The following SMIM8 variants were observed in gnomAD, a reference collection of about 807,000 sequenced individuals.
SMIM8 encodes small integral membrane protein 8.
Under a neutral mutation model 8.1 loss-of-function variants are expected in SMIM8, and 8 were observed. The ratio of observed to expected loss-of-function variants is 0.99; its 90% confidence interval spans 0.58 to 1.78. The LOEUF (loss-of-function observed/expected upper bound fraction) is 1.78. Ranked by LOEUF, SMIM8 falls within the 40% of genes most tolerant of loss-of-function variation. SMIM8 has a pLI of 0.00. For synonymous variants in SMIM8, 45 were observed against 39.7 expected (o/e 1.13, Z -0.50); for missense variants, 126 against 119.8 (o/e 1.05, Z -0.24).
At chr6:87,325,472 AT>A (rs1463729785) in intron 1 of SMIM8, among the ~76,000 whole-genome samples, 5 of 114,302 alleles carry the variant, frequency 4.4e-5, no homozygotes, top group Non-Finnish European at 9.3e-5. Flanking sequence ...AGTTTTTAGC[AT>A]GAAGGGTTAT....
intron 2 of SMIM8, among the ~76,000 whole-genome samples, chr6:87,335,845 CAAAA>C (rs35840147): frequency 1.3e-4 from 7 of 55,958 alleles, no homozygotes; most frequent in African/African-American, 2.2e-4. Context: ...CCGTCCCTAC[CAAAA>C]AAAAAAAAAA....
intron 1 of SMIM8, among the ~76,000 whole-genome samples, chr6:87,324,468 A>G (rs1269796089): frequency 1.3e-5 from 2 of 150,616 alleles, no homozygotes; most frequent in East Asian, 3.9e-4. Flanking sequence ...GAAGGGATCC[A>G]GTTTCAGCTT....
Position 87,340,125 on chromosome 6 carries a change from G to T in SMIM8, c.145G>T (p.Val49Leu). The change falls in exon 4 of 4, where the codon GTA becomes TTA. Residue 49 changes from valine to leucine, a missense_variant. Physicochemically the swap from Val to Leu is conservative, Grantham distance 32 (BLOSUM62 1). Coordinates refer to ENST00000392863, the MANE Select transcript of SMIM8 (RefSeq NM_001042493.3). The part of the protein sequence containing the change: ...PELFIKPNKP[V>L]MAFGLVTLSL... ...TTTTTTTCTTTGACAGAACAAACCTGTAATGGCTTTCGGATTGGTAACTCT... is the reference window on the plus strand; with the variant it reads ...TTTTTTTCTTTGACAGAACAAACCTTTAATGGCTTTCGGATTGGTAACTCT... The T allele has an allele frequency of 6.4e-7, 1 of 1,571,846 alleles. No individual in the cohort carries two copies. The highest frequency in any genetic ancestry group is 1.2e-5 in the South Asian group (1 of 83,408).
chr6:87,341,453 A>G lies in SMIM8; in HGVS notation c.*1179A>G. 4 of 394,882 alleles carry G rather than the reference A, an allele frequency of 1.0e-5. No individual in the cohort carries two copies. Among genetic ancestry groups the G allele is most frequent in the East Asian group, 3.6e-5 (1 of 27,796 alleles). 24.5% of individuals were successfully genotyped at this position (394,882 alleles called of 1,614,324 possible). ...GCCAGATTCTGCCTTATAGAATTCAAATCTTTCTTACAAGGGTTCTGGACC... is the reference window on the plus strand; with the variant it reads ...GCCAGATTCTGCCTTATAGAATTCAGATCTTTCTTACAAGGGTTCTGGACC... On this transcript the variant is annotated 3_prime_UTR_variant, in exon 4 of 4. Transcript: ENST00000392863.
At chr6:87,323,616 A>G (rs1776729906) in intron 1 of SMIM8, among the ~76,000 whole-genome samples, 1 of 151,968 alleles carries the variant, frequency 6.6e-6, no homozygotes, top group African/African-American at 2.4e-5. Context: ...ATCATTTTTT[A>G]TGGCTGCATA....
intron 1 of SMIM8, among the ~76,000 whole-genome samples, chr6:87,323,508 A>G (rs909656883): frequency 6.9e-6 from 1 of 144,676 alleles, no homozygotes; most frequent in Non-Finnish European, 1.5e-5. Flanking sequence ...CCCACCTATG[A>G]GTGAGAATAT....
intron 3 of SMIM8, 36 bp from the exon 4 acceptor site, chr6:87,340,077 AGTC>A: frequency 6.8e-7 from 1 of 1,461,224 alleles, no homozygotes; most frequent in Non-Finnish European, 9.0e-7. Context: ...TCAAATTGTT[AGTC>A]TTACTAAAGC....
At chr6:87,331,187 A>C (rs149695709) in intron 2 of SMIM8, among the ~76,000 whole-genome samples, 1 of 152,254 alleles carries the variant, frequency 6.6e-6, no homozygotes, top group Non-Finnish European at 1.5e-5. Flanking sequence ...GGAAACAAAA[A>C]GTAAGAGAAG....
Position 87,333,859 on chromosome 6 carries a change from G to A in SMIM8, c.-24+3147G>A, listed in dbSNP as rs9353478. Among the ~76,000 whole-genome samples, 11 of 152,242 alleles carry A rather than the reference G, an allele frequency of 7.2e-5. No homozygotes were observed. The East Asian group carries it at 1.3e-3, about 19-fold the overall frequency. ...AGGAATTGTGTTAGTCTCTTCTTGC[G>A]TCATTATAAAGAAGTACCTGATGCT... On this transcript the variant is annotated intron_variant, in intron 2 of 3. Transcript: ENST00000392863.
At chr6:87,325,482 A>C in intron 1 of SMIM8, among the ~76,000 whole-genome samples, 1 of 98,236 alleles carries the variant, frequency 1.0e-5, no homozygotes, top group East Asian at 2.6e-4. Flanking sequence ...ATGAAGGGTT[A>C]TTGAATTTTG....
chr6:87,337,169 A>C lies in SMIM8; in HGVS notation c.135+3A>C. On this transcript the variant is annotated splice_donor_region_variant and intron_variant, in intron 3 of 3. Coordinates refer to ENST00000392863, the MANE Select transcript of SMIM8 (RefSeq NM_001042493.3). ...ATCCAGAGCTCTTCATTAAACCTGT[A>C]AGAAATACATCCAGGATAAGACTTT... The C allele has an allele frequency of 6.2e-7, 1 of 1,606,782 alleles. No individual in the cohort carries two copies. Among genetic ancestry groups the C allele is most frequent in the Non-Finnish European group, 8.5e-7 (1 of 1,176,582 alleles).
intron 1 of SMIM8, among the ~76,000 whole-genome samples, chr6:87,327,230 G>T (rs1294539589): frequency 2.0e-5 from 3 of 146,866 alleles, no homozygotes; most frequent in Non-Finnish European, 4.5e-5. Flanking sequence ...CAATTTGCCA[G>T]TCTGTGTCTT....
chr6:87,328,362 T>G (rs1415092592), intron 1 of SMIM8, among the ~76,000 whole-genome samples: 1 of 152,174 alleles, frequency 6.6e-6, no homozygotes, highest in Non-Finnish European at 1.5e-5. Context: ...TCTGCTCTGT[T>G]TTTTCCCCAT....
In SMIM8 at chr6:87,341,028, G is replaced by T; in HGVS notation, c.*754G>T. 1 of 336,884 alleles carries T rather than the reference G, an allele frequency of 3.0e-6. No individual in the cohort carries two copies. 20.9% of individuals were successfully genotyped at this position (336,884 alleles called of 1,614,324 possible). ...TATTTTAGTGTTTATGTTAATTAAT[G>T]TTAATTAATTTTGTTTATGTTAATT... On this transcript the variant is annotated 3_prime_UTR_variant, in exon 4 of 4. Transcript: ENST00000392863.
At position 87,340,876 on chromosome 6, in the gene SMIM8, A is replaced by G. The variant is rs1777218233; in HGVS notation, c.*602A>G. 6.4e-6 allele frequency: 1 copy of G among 156,202 alleles called. No individual in the cohort carries two copies. The highest frequency in any genetic ancestry group is 1.4e-5 in the Non-Finnish European group (1 of 70,936). 9.7% of individuals were successfully genotyped at this position (156,202 alleles called of 1,614,324 possible). ...ACAGAATTTTATTTTAATGGAAAAG[A>G]TCCTTCCACTCAGCTACTAAAATAA... On this transcript the variant is annotated 3_prime_UTR_variant, in exon 4 of 4. Coordinates refer to ENST00000392863, the MANE Select transcript of SMIM8 (RefSeq NM_001042493.3).
chr6:87,332,679 T>G lies in SMIM8; in HGVS notation c.-24+1967T>G, dbSNP rs1310311657. Among the ~76,000 whole-genome samples, 3 of 24,156 alleles carry G rather than the reference T, an allele frequency of 1.2e-4. No homozygotes were observed. The East Asian group carries it at 2.6e-3, about 21-fold the overall frequency. 15.8% of individuals were successfully genotyped at this position (24,156 alleles called of 152,430 possible). ...ATAAACTATGCTCTGAGGACCCTTC[T>G]GTGCTCTGCAATATGAACTTCTATA... On this transcript the variant is annotated intron_variant, in intron 2 of 3. Transcript: ENST00000392863.
chr6:87,330,782 A>G (rs564099497), intron 2 of SMIM8, 70 bp downstream of exon 2: 2 of 152,206 alleles, frequency 1.3e-5, no homozygotes, highest in East Asian at 3.9e-4. Context: ...TTTTACAGGC[A>G]CCTGTGAAAT....
Position 87,340,328 on chromosome 6 carries a change from G to A in SMIM8, c.*54G>A, listed in dbSNP as rs1484282922. On this transcript the variant is annotated 3_prime_UTR_variant, in exon 4 of 4. Transcript: ENST00000392863. ...ATTAAAGGTTCTGAAATCTTCAAAT[G>A]AAAGACCTTGTGAGTGTACAGTATC... 6.8e-7 allele frequency: 1 copy of A among 1,472,494 alleles called. No individual in the cohort carries two copies. The highest frequency in any genetic ancestry group is 1.4e-5 in the African/African-American group (1 of 69,436). 91.2% of individuals were successfully genotyped at this position (1,472,494 alleles called of 1,614,324 possible).
At chr6:87,338,151 A>C (rs1777152853) in intron 3 of SMIM8, among the ~76,000 whole-genome samples, 1 of 152,240 alleles carries the variant, frequency 6.6e-6, no homozygotes, top group Admixed American at 6.5e-5. Flanking sequence ...AATTGCTAAA[A>C]GCATTTCAAG....
Sources: allele counts gnomAD v4.1 joint callset (sites outside exome capture counted in the v4.1 genomes callset), GRCh38; gene constraint gnomAD v4.1.1; transcripts MANE v1.5; gene names NCBI Gene and HGNC (gene_info 2026-07-23, HGNC 2026-07-21).